Variants in GRB14 observed in about 807,000 individuals in gnomAD.
GRB14 encodes the protein growth factor receptor bound protein 14.
GRB14 carries 38 observed loss-of-function variants against 69.1 expected under a neutral mutation model. The observed-to-expected ratio is 0.55, with a 90% CI of 0.42 to 0.72. GRB14 has a LOEUF of 0.72. GRB14 is among the 30% of genes least tolerant of loss of function. The probability of loss-of-function intolerance (pLI) is 0.00; values close to 1 mark genes in which losing one functional copy is unlikely to be tolerated. For missense variants in GRB14, 666 were observed against 666.1 expected (o/e 1.00, Z 0.00); for synonymous variants, 247 against 241.3 (o/e 1.02, Z -0.22).
chr2:164,497,387 C>A lies in GRB14; in HGVS notation c.1208G>T (p.Gly403Val). 6.2e-7 allele frequency: 1 copy of A among 1,613,006 alleles called. No individual in the cohort carries two copies. Residue 403 changes from glycine to valine, a missense_variant, in exon 10 of 14, where the codon GGA becomes GTA. Physicochemically the swap from Gly to Val is moderately radical, Grantham distance 109. Coordinates refer to ENST00000263915, the MANE Select transcript of GRB14 (RefSeq NM_004490.3). ...TEALSVAVEE[G>V]LAWRKKGCLR... ...AGCTACTTGTACCCTCCAAGCGAGT[C>A]CTTCTTCAACCGCAACTGAAAGGGC...
chr2:164,567,925 T>C (rs1156427988), intron 2 of GRB14, among the ~76,000 whole-genome samples: 2 of 152,094 alleles, frequency 1.3e-5, no homozygotes, highest in East Asian at 1.9e-4. Flanking sequence ...TTATGAATTA[T>C]GGTGAAACAA....
chr2:164,570,135 C>G (rs753507285), intron 2 of GRB14, among the ~76,000 whole-genome samples: 1 of 151,764 alleles, frequency 6.6e-6, no homozygotes, highest in Non-Finnish European at 1.5e-5. Context: ...ATTAGCCAGG[C>G]ATGGTGGCAC....
chr2:164,547,259 C>A (rs1688403792), intron 3 of GRB14, among the ~76,000 whole-genome samples: 1 of 152,226 alleles, frequency 6.6e-6, no homozygotes, highest in African/African-American at 2.4e-5. Flanking sequence ...GAGCTCTGAC[C>A]AAGAATTTAA....
chr2:164,596,793 C>T (rs569117237), intron 2 of GRB14, among the ~76,000 whole-genome samples: 1 of 152,182 alleles, frequency 6.6e-6, no homozygotes, highest in Non-Finnish European at 1.5e-5. Context: ...TTACCTTGAA[C>T]TTTTTCACCA....
chr2:164,519,847 C>A (rs1469517233), intron 6 of GRB14, among the ~76,000 whole-genome samples: 1 of 151,946 alleles, frequency 6.6e-6, no homozygotes, highest in Non-Finnish European at 1.5e-5. Flanking sequence ...CAAAACATTG[C>A]TGAAAGAAAA....
Position 164,525,411 on chromosome 2 carries a change from G to C in GRB14, c.604-333C>G, listed in dbSNP as rs74831383. ...CCGCAACCAGCCTATCAGGTCAAAA[G>C]GACTATCCATGACATTTTACAAGGA... On this transcript the variant is annotated intron_variant, in intron 4 of 13. Transcript: ENST00000263915. 9.9e-3 allele frequency among the ~76,000 whole-genome samples: 1,508 copies of C among 152,108 alleles called. 26 individuals carry two copies. The highest frequency in any genetic ancestry group is 0.033 in the African/African-American group (1,375 of 41,520).
intron 2 of GRB14, among the ~76,000 whole-genome samples, chr2:164,549,497 C>A (rs1266294857): frequency 6.6e-6 from 1 of 152,132 alleles, no homozygotes; most frequent in Non-Finnish European, 1.5e-5. Context: ...AGTGTCTAAA[C>A]TAAAGGTCAT....
In GRB14 at chr2:164,497,089, T is replaced by C. The variant is rs1686920410; in HGVS notation, c.1301A>G (p.His434Arg). The C allele has an allele frequency of 6.2e-7, 1 of 1,613,560 alleles. No homozygotes were observed. Among genetic ancestry groups the C allele is most frequent in the African/African-American group, 1.3e-5 (1 of 75,020 alleles). Residue 434 changes from histidine (H) to arginine (R), a missense_variant, in exon 12 of 14, where the codon CAC becomes CGC. By Grantham distance (29) the His-to-Arg change is conservative. Coordinates refer to ENST00000263915, the MANE Select transcript of GRB14 (RefSeq NM_004490.3). The part of the protein sequence containing the change: ...SQSSATNMAI[H>R]RSQPWFHHKI... ...GTGGTGAAACCATGGCTGGGACCGG[T>C]GGATAGCTAAAGAAATAGGATGGAT...
At chr2:164,620,367 C>G (rs1574364901) in intron 1 of GRB14, among the ~76,000 whole-genome samples, 1 of 152,220 alleles carries the variant, frequency 6.6e-6, no homozygotes, top group East Asian at 1.9e-4. Context: ...TGCCCACACA[C>G]AGTCTGTTGA....
chr2:164,606,055 C>T (rs947867959), intron 2 of GRB14, among the ~76,000 whole-genome samples: 5 of 152,164 alleles, frequency 3.3e-5, no homozygotes, highest in Admixed American at 1.3e-4. Context: ...ATGTATTCTA[C>T]TCATAAATAC....
At chr2:164,513,813 T>C (rs893432425) in intron 6 of GRB14, among the ~76,000 whole-genome samples, 10 of 152,184 alleles carry the variant, frequency 6.6e-5, no homozygotes, top group South Asian at 4.1e-4. Flanking sequence ...AGTGTTGTCA[T>C]TGACAACTAT....
chr2:164,515,783 G>T (rs1382874922), intron 6 of GRB14, among the ~76,000 whole-genome samples: 1 of 141,510 alleles, frequency 7.1e-6, no homozygotes, highest in Middle Eastern at 3.3e-3. Context: ...ACCAGAGAAA[G>T]GTGAAGTTCA....
intron 2 of GRB14, among the ~76,000 whole-genome samples, chr2:164,590,030 C>T (rs1327085483): frequency 6.6e-6 from 1 of 152,050 alleles, no homozygotes; most frequent in Non-Finnish European, 1.5e-5. Flanking sequence ...ATGAGGGCTC[C>T]ACCTTCCTTA....
intron 2 of GRB14, among the ~76,000 whole-genome samples, chr2:164,579,476 C>A (rs1689338266): frequency 6.6e-6 from 1 of 151,406 alleles, no homozygotes; most frequent in Admixed American, 6.6e-5. Flanking sequence ...CTGGCCAGGA[C>A]CTCATTTTAT....
chr2:164,598,727 A>G (rs1236820517), intron 2 of GRB14, among the ~76,000 whole-genome samples: 1 of 152,200 alleles, frequency 6.6e-6, no homozygotes, highest in African/African-American at 2.4e-5. Context: ...TAAGAGTCCT[A>G]ACAGTGACCA....
At chr2:164,590,363 GA>G (rs543798563) in intron 2 of GRB14, among the ~76,000 whole-genome samples, 1 of 151,572 alleles carries the variant, frequency 6.6e-6, no homozygotes, top group African/African-American at 2.4e-5. Context: ...TATAAATAAT[GA>G]AAAAAAAGTT....
At chr2:164,608,401 A>T (rs1369891068) in intron 2 of GRB14, among the ~76,000 whole-genome samples, 1 of 151,710 alleles carries the variant, frequency 6.6e-6, no homozygotes, top group Non-Finnish European at 1.5e-5. Flanking sequence ...AAATTTTGAG[A>T]AAAAAAAATT....
chr2:164,512,226 G>A (rs1234910796), intron 6 of GRB14, among the ~76,000 whole-genome samples: 1 of 152,178 alleles, frequency 6.6e-6, no homozygotes, highest in Non-Finnish European at 1.5e-5. Flanking sequence ...GAGGGCAATG[G>A]CGTGATCTCG....
chr2:164,598,986 T>A (rs1689852944), intron 2 of GRB14, among the ~76,000 whole-genome samples: 1 of 152,112 alleles, frequency 6.6e-6, no homozygotes, highest in East Asian at 1.9e-4. Context: ...GAGAGAAGGG[T>A]TTATCTAGGC....
Sources: allele counts gnomAD v4.1 joint callset (sites outside exome capture counted in the v4.1 genomes callset), GRCh38; gene constraint gnomAD v4.1.1; transcripts MANE v1.5; gene names NCBI Gene and HGNC (gene_info 2026-07-23, HGNC 2026-07-21).